Variants in SCNN1B observed in about 807,000 individuals in gnomAD.
SCNN1B encodes the protein sodium channel epithelial 1 subunit beta.
A neutral mutation model predicts 65.3 loss-of-function variants in SCNN1B; 46 were observed. The ratio of observed to expected loss-of-function variants is 0.70; its 90% CI spans 0.56 to 0.90. SCNN1B has a LOEUF of 0.90. Ranked by LOEUF, SCNN1B falls within the 40% of genes least tolerant of loss-of-function variation. The pLI is 0.00. For synonymous variants in SCNN1B, 349 were observed against 330.6 expected, an observed-to-expected ratio of 1.06 and a Z score of -0.60; for missense variants, 751 against 830.5, an observed-to-expected ratio of 0.90 and a Z score of 1.18.
At chr16:23,325,974 C>T (rs535007639) in intron 1 of SCNN1B, among the ~76,000 whole-genome samples, 9 of 152,000 alleles carry the variant, frequency 5.9e-5, no homozygotes, top group Non-Finnish European at 7.4e-5. Flanking sequence ...ACTCGGGAGA[C>T]TGAGGTGGGA....
At chr16:23,366,967 G>C (rs17199599) in intron 4 of SCNN1B, among the ~76,000 whole-genome samples, 1 of 152,226 alleles carries the variant, frequency 6.6e-6, no homozygotes, top group Non-Finnish European at 1.5e-5. Context: ...CATCAGAAGA[G>C]GCAAGGAGGA....
At chr16:23,315,857 A>G (rs746512048) in intron 1 of SCNN1B, among the ~76,000 whole-genome samples, 7 of 152,108 alleles carry the variant, frequency 4.6e-5, no homozygotes, top group Non-Finnish European at 1.0e-4. Context: ...CTCTCATTTA[A>G]TCTGCACATA....
Position 23,371,892 on chromosome 16 carries a change from G to A in SCNN1B, c.1152+9G>A, listed in dbSNP as rs200719352. 2.2e-5 allele frequency: 35 copies of A among 1,599,710 alleles called. No individual in the cohort carries two copies. The highest frequency in any genetic ancestry group is 1.7e-4 in the Middle Eastern group (1 of 6,038). Reference sequence around the variant, plus strand: ...CGACCTACTCCATCCAGGTGGGAAGGTGGTGCACGCCTCATGCCCCGGGGC... The same window carrying A: ...CGACCTACTCCATCCAGGTGGGAAGATGGTGCACGCCTCATGCCCCGGGGC... On this transcript the variant is annotated intron_variant, in intron 7 of 12. Coordinates refer to ENST00000343070, the MANE Select transcript of SCNN1B (RefSeq NM_000336.3).
At chr16:23,312,848 A>T (rs1319750781) in intron 1 of SCNN1B, among the ~76,000 whole-genome samples, 1 of 152,096 alleles carries the variant, frequency 6.6e-6, no homozygotes, top group Non-Finnish European at 1.5e-5. Context: ...CACTGGGCAG[A>T]TTCCCCTCCC....
chr16:23,345,830 G>A lies in SCNN1B; in HGVS notation c.-8-2762G>A, dbSNP rs911971391. ...AGCATGGTGCCCCCAGAAGGGAAAG[G>A]CTCTCAGAGGGGGTGAGGGTCCAGC... On this transcript the variant is annotated intron_variant, in intron 1 of 12. Coordinates refer to ENST00000343070, the MANE Select transcript of SCNN1B (RefSeq NM_000336.3). 5.9e-5 allele frequency among the ~76,000 whole-genome samples: 9 copies of A among 152,310 alleles called. No homozygotes were observed. In the East Asian group the frequency reaches 1.5e-3, roughly 26 times the overall value.
At chr16:23,283,432 C>T (rs540236400) in intron 1 of SCNN1B, among the ~76,000 whole-genome samples, 51 of 152,294 alleles carry the variant, frequency 3.3e-4, no homozygotes, top group Admixed American at 5.9e-4. Flanking sequence ...AGGACACTTA[C>T]TTTAGCCTAC....
At chr16:23,334,329 G>T (rs1460603099) in intron 1 of SCNN1B, among the ~76,000 whole-genome samples, 1 of 152,196 alleles carries the variant, frequency 6.6e-6, no homozygotes, top group Non-Finnish European at 1.5e-5. Flanking sequence ...GCATTTCAGG[G>T]CTCGAATGAG....
rs377376251 is a variant in SCNN1B at position 23,371,493 on chromosome 16, G to A, written c.1044+31G>A. 90 of 1,609,814 alleles carry A rather than the reference G, an allele frequency of 5.6e-5. No individual in the cohort carries two copies. The African/African-American group carries it at 1.1e-3, about 19-fold the overall frequency. On this transcript the variant is annotated intron_variant, in intron 6 of 12. Coordinates refer to ENST00000343070, the MANE Select transcript of SCNN1B (RefSeq NM_000336.3). ...GCCGGAGCCCAAGGGCAGTCCTAGAGGGTCTGAGGGTGGGAGCCCACCTGT... is the reference window on the plus strand; with the variant it reads ...GCCGGAGCCCAAGGGCAGTCCTAGAAGGTCTGAGGGTGGGAGCCCACCTGT...
chr16:23,352,275 G>A (rs1406636127), intron 2 of SCNN1B, among the ~76,000 whole-genome samples: 2 of 152,350 alleles, frequency 1.3e-5, no homozygotes, highest in South Asian at 2.1e-4. Flanking sequence ...ATGCATGGGT[G>A]GGTGGACGGA....
intron 1 of SCNN1B, among the ~76,000 whole-genome samples, chr16:23,331,652 C>T (rs1175959543): frequency 1.3e-5 from 2 of 152,148 alleles, no homozygotes; most frequent in Non-Finnish European, 2.9e-5. Context: ...ACTAATCCCA[C>T]TCATGATACA....
intron 1 of SCNN1B, among the ~76,000 whole-genome samples, chr16:23,327,674 T>C (rs1252845500): frequency 6.6e-6 from 1 of 152,192 alleles, no homozygotes; most frequent in Non-Finnish European, 1.5e-5. Context: ...TCTGTATCCA[T>C]ACAGAGAAGC....
intron 1 of SCNN1B, among the ~76,000 whole-genome samples, chr16:23,331,543 C>T (rs1251254759): frequency 6.6e-6 from 1 of 151,914 alleles, no homozygotes; most frequent in Non-Finnish European, 1.5e-5. Flanking sequence ...TGGTCTCGAA[C>T]TCTTGACCTC....
chr16:23,330,059 A>C (rs1233420045), intron 1 of SCNN1B, among the ~76,000 whole-genome samples: 1 of 151,992 alleles, frequency 6.6e-6, no homozygotes, highest in East Asian at 1.9e-4. Flanking sequence ...AGAGCGAAAG[A>C]AAGAAAAGAA....
At chr16:23,372,874 T>C (rs1962814827) in intron 7 of SCNN1B, among the ~76,000 whole-genome samples, 1 of 146,548 alleles carries the variant, frequency 6.8e-6, no homozygotes, top group Non-Finnish European at 1.5e-5. Flanking sequence ...GCGAAGCGGG[T>C]ACATCACTTG....
In SCNN1B at chr16:23,375,811, C is replaced by G; in HGVS notation, c.1226C>G (p.Pro409Arg). 6.2e-7 allele frequency: 1 copy of G among 1,614,062 alleles called. No individual in the cohort carries two copies. Reference sequence around the variant, plus strand: ...TGTGGCCACTACCTGTACCCACTGCCCCGTGGGGAGAAATACTGCAACAAC... The same window carrying G: ...TGTGGCCACTACCTGTACCCACTGCGCCGTGGGGAGAAATACTGCAACAAC... Reference protein sequence around the residue: ...CNCGHYLYPLPRGEKYCNNRD... With the variant: ...CNCGHYLYPLRRGEKYCNNRD... The change falls in exon 8 of 13, where the codon CCC becomes CGC. Residue 409 changes from proline to arginine, a missense_variant. Coordinates refer to ENST00000343070, the MANE Select transcript of SCNN1B (RefSeq NM_000336.3).
intron 1 of SCNN1B, among the ~76,000 whole-genome samples, chr16:23,340,549 T>A (rs1223741122): frequency 6.6e-6 from 1 of 151,822 alleles, no homozygotes; most frequent in Non-Finnish European, 1.5e-5. Flanking sequence ...CACTTTTTTA[T>A]TTTTTTACGT....
intron 4 of SCNN1B, among the ~76,000 whole-genome samples, chr16:23,356,875 A>G (rs1189197347): frequency 1.3e-5 from 2 of 152,016 alleles, no homozygotes; most frequent in Admixed American, 6.6e-5. Context: ...AACGGGGGGA[A>G]TCTCCATTCT....
At chr16:23,303,534 C>T (rs974922523) in intron 1 of SCNN1B, among the ~76,000 whole-genome samples, 1 of 152,056 alleles carries the variant, frequency 6.6e-6, no homozygotes, top group African/African-American at 2.4e-5. Flanking sequence ...AGGTAAACAC[C>T]TTCATAATTT....
rs570229045 is a variant in SCNN1B at position 23,380,849 on chromosome 16, G to A, written c.*48G>A. On this transcript the variant is annotated 3_prime_UTR_variant, in exon 13 of 13. Transcript: ENST00000343070. This position sits in a 1 kb window ranked among gnomAD's most constrained non-coding sequence, Gnocchi z 5.4. ...CGGCTGAAACTCACTGAGCAGCCAA[G>A]ACTGTTGCCCGAGGCCTCACTGTAT... 1.9e-6 allele frequency: 3 copies of A among 1,606,602 alleles called. No homozygotes were observed. Among genetic ancestry groups the A allele is most frequent in the East Asian group, 2.2e-5 (1 of 44,874 alleles).
Sources: allele counts gnomAD v4.1 joint callset (sites outside exome capture counted in the v4.1 genomes callset), GRCh38; gene constraint gnomAD v4.1.1; non-coding constraint Gnocchi (gnomAD v3.1); transcripts MANE v1.5; gene names NCBI Gene and HGNC (gene_info 2026-07-23, HGNC 2026-07-21).